The following GALNT13 variants were observed in gnomAD, a reference collection of about 807,000 sequenced individuals.
The protein encoded by GALNT13 is polypeptide N-acetylgalactosaminyltransferase 13.
Under a neutral mutation model 64.2 loss-of-function variants are expected in GALNT13, and 28 were observed. The ratio of observed to expected loss-of-function variants is 0.44; its 90% CI spans 0.32 to 0.60. GALNT13 has a LOEUF of 0.60. Ranked by LOEUF, GALNT13 falls within the 20% of genes least tolerant of loss-of-function variation. The pLI, the probability that GALNT13 is intolerant of heterozygous loss-of-function variation, is 0.05. For synonymous variants in GALNT13, 214 were observed against 224.6 expected, an observed-to-expected ratio of 0.95 and a Z score of 0.42; for missense variants, 577 against 669.8, an observed-to-expected ratio of 0.86 and a Z score of 1.53.
At chr2:153,286,788 A>T in the GALNT13 span, among the ~76,000 whole-genome samples, 3,387 of 152,326 alleles carry the variant, frequency 0.022, 138 homozygotes, top group African/African-American at 0.077. Context: ...AAAGAAAGTC[A>T]TGAAAATAAA....
intron 5 of GALNT13, among the ~76,000 whole-genome samples, chr2:154,242,422 A>G (rs1689543316): frequency 6.6e-6 from 1 of 152,122 alleles, no homozygotes; most frequent in South Asian, 2.1e-4. Flanking sequence ...TCATGATTCT[A>G]TATGGTTCTT....
the GALNT13 span, among the ~76,000 whole-genome samples, chr2:153,346,519 A>T: frequency 2.8e-4 from 42 of 152,036 alleles, no homozygotes; most frequent in Middle Eastern, 3.4e-3. Flanking sequence ...TTTATAATTT[A>T]TTTTTTTTAA....
At chr2:154,254,171 G>A (rs538880974) in intron 7 of GALNT13, among the ~76,000 whole-genome samples, 2 of 152,270 alleles carry the variant, frequency 1.3e-5, no homozygotes, top group East Asian at 1.9e-4. Flanking sequence ...ACCAATGGAT[G>A]TGAACAAATA....
At chr2:153,263,414 T>C in the GALNT13 span, among the ~76,000 whole-genome samples, 1 of 152,144 alleles carries the variant, frequency 6.6e-6, no homozygotes, top group Non-Finnish European at 1.5e-5. Flanking sequence ...TAAACTACCA[T>C]TGACATTCTT....
At chr2:153,145,463 G>A in the GALNT13 span, among the ~76,000 whole-genome samples, 4 of 151,894 alleles carry the variant, frequency 2.6e-5, no homozygotes, top group Admixed American at 1.3e-4. Context: ...CATTTCAAAG[G>A]TTGCTGATTA....
chr2:154,363,854 T>C (rs1361075782), intron 9 of GALNT13, among the ~76,000 whole-genome samples: 2 of 152,200 alleles, frequency 1.3e-5, no homozygotes, highest in Non-Finnish European at 2.9e-5. Context: ...AGAATCATAT[T>C]TGAGAACTGC....
chr2:153,832,838 T>G, the GALNT13 span, among the ~76,000 whole-genome samples: 5 of 152,180 alleles, frequency 3.3e-5, no homozygotes, highest in Non-Finnish European at 5.9e-5. Context: ...AGCTATGCAA[T>G]TCTGACTTTT....
At chr2:153,597,883 G>A in the GALNT13 span, among the ~76,000 whole-genome samples, 1 of 151,970 alleles carries the variant, frequency 6.6e-6, no homozygotes, top group South Asian at 2.1e-4. Flanking sequence ...TAAATAATGA[G>A]ATATAACTTT....
chr2:153,151,196 T>C, the GALNT13 span, among the ~76,000 whole-genome samples: 37 of 151,688 alleles, frequency 2.4e-4, no homozygotes, highest in East Asian at 1.9e-4. Flanking sequence ...CCCTTGTAAG[T>C]TGGATTTTTT....
the GALNT13 span, among the ~76,000 whole-genome samples, chr2:153,506,959 T>C: frequency 6.6e-6 from 1 of 152,230 alleles, no homozygotes; most frequent in Non-Finnish European, 1.5e-5. Flanking sequence ...ATTTCTCTTC[T>C]TCCTTGGGAA....
chr2:153,814,794 T>G, the GALNT13 span, among the ~76,000 whole-genome samples: 6 of 152,202 alleles, frequency 3.9e-5, no homozygotes, highest in African/African-American at 9.6e-5. Context: ...GTAATCCTGA[T>G]TTCTAATTCT....
chr2:153,949,450 A>G (rs895034761), intron 3 of GALNT13, among the ~76,000 whole-genome samples: 2 of 151,770 alleles, frequency 1.3e-5, no homozygotes, highest in African/African-American at 4.8e-5. Flanking sequence ...CTGAGGTGGG[A>G]GGATTGCTTG....
the GALNT13 span, among the ~76,000 whole-genome samples, chr2:153,813,720 C>A: frequency 2.0e-5 from 3 of 152,212 alleles, no homozygotes; most frequent in Non-Finnish European, 4.4e-5. Context: ...TGATACAACA[C>A]ATGTGCTGAT....
chr2:153,412,113 A>G, the GALNT13 span, among the ~76,000 whole-genome samples: 4 of 152,292 alleles, frequency 2.6e-5, no homozygotes, highest in Non-Finnish European at 5.9e-5. Flanking sequence ...CAAGTTCTTC[A>G]GTTTTGAGAC....
intron 4 of GALNT13, among the ~76,000 whole-genome samples, chr2:154,214,521 C>A (rs551792937): frequency 3.1e-4 from 47 of 152,186 alleles, no homozygotes; most frequent in African/African-American, 1.0e-3. Flanking sequence ...TTGTAATAAT[C>A]CCCACGTGTT....
chr2:153,784,247 G>A, the GALNT13 span, among the ~76,000 whole-genome samples: 1 of 152,160 alleles, frequency 6.6e-6, no homozygotes, highest in Admixed American at 6.5e-5. Flanking sequence ...GGCTGAGGTG[G>A]TCTCATATGG....
intron 3 of GALNT13, among the ~76,000 whole-genome samples, chr2:154,113,821 A>G (rs1287075948): frequency 6.6e-6 from 1 of 152,242 alleles, no homozygotes; most frequent in Non-Finnish European, 1.5e-5. Flanking sequence ...GTAAAGGTGC[A>G]TTGCTGGCCT....
At chr2:153,789,097 G>T in the GALNT13 span, among the ~76,000 whole-genome samples, 2 of 152,086 alleles carry the variant, frequency 1.3e-5, no homozygotes, top group Admixed American at 6.6e-5. Context: ...GGACCAAATG[G>T]ATATGATAGA....
the GALNT13 span, among the ~76,000 whole-genome samples, chr2:153,181,522 C>T: frequency 1.3e-5 from 2 of 150,652 alleles, no homozygotes; most frequent in Admixed American, 1.3e-4. Context: ...TGTTAGATCC[C>T]TTTGGTCTAA....
Sources: allele counts gnomAD v4.1 joint callset (sites outside exome capture counted in the v4.1 genomes callset), GRCh38; gene constraint gnomAD v4.1.1; transcripts MANE v1.5; gene names NCBI Gene and HGNC (gene_info 2026-07-23, HGNC 2026-07-21).